Variants in GLMN observed in about 807,000 individuals in gnomAD.
The protein encoded by GLMN is glomulin.
In GLMN, 75 loss-of-function variants were observed where a neutral mutation model predicts 87.8. The ratio of observed to expected loss-of-function variants is 0.85; its 90% CI spans 0.71 to 1.04. GLMN has a LOEUF of 1.04. Ranked by LOEUF, GLMN falls within the 50% of genes least tolerant of loss-of-function variation. GLMN has a pLI of 0.00. For missense variants in GLMN, 588 were observed against 658.8 expected (o/e 0.89, Z 1.18); for synonymous variants, 206 against 221.6 (o/e 0.93, Z 0.63).
the GLMN span, among the ~76,000 whole-genome samples, chr1:92,329,254 C>T: frequency 6.6e-6 from 1 of 152,108 alleles, no homozygotes; most frequent in South Asian, 2.1e-4. Context: ...CTACCAGGGC[C>T]AGTAGAGAAA....
chr1:92,253,920 G>A (rs1026266050), intron 16 of GLMN, among the ~76,000 whole-genome samples: 4 of 152,178 alleles, frequency 2.6e-5, no homozygotes, highest in African/African-American at 9.7e-5. Flanking sequence ...GAATGAGTTT[G>A]ATGAACTGAC....
chr1:92,345,759 A>G, the GLMN span: 2 of 829,506 alleles, frequency 2.4e-6, no homozygotes. Flanking sequence ...TCTTTGGCAC[A>G]TTATTATAAA....
the GLMN span, among the ~76,000 whole-genome samples, chr1:92,313,716 G>A: frequency 2.0e-5 from 3 of 152,124 alleles, no homozygotes; most frequent in Non-Finnish European, 2.9e-5. Context: ...CTCCTCTATA[G>A]CTATGAAATC....
intron 16 of GLMN, among the ~76,000 whole-genome samples, chr1:92,260,555 CAGTG>C (rs1342576922): frequency 6.6e-6 from 1 of 151,778 alleles, no homozygotes; most frequent in Non-Finnish European, 1.5e-5. Flanking sequence ...GTGGACGATG[CAGTG>C]AGCAGAGATC....
the GLMN span, chr1:92,345,738 A>T: frequency 3.0e-6 from 2 of 665,056 alleles, no homozygotes; most frequent in East Asian, 5.5e-5. Context: ...AGTATTTTAA[A>T]AAAAAGTGCT....
chr1:92,271,436 A>G (rs1188149510), intron 8 of GLMN, 29 bp downstream of exon 8: 1 of 1,536,206 alleles, frequency 6.5e-7, no homozygotes, highest in Admixed American at 1.7e-5. Context: ...CTTTTAGAAT[A>G]CATGAATAAA....
chr1:92,317,745 C>T, the GLMN span, among the ~76,000 whole-genome samples: 1 of 152,154 alleles, frequency 6.6e-6, no homozygotes, highest in Admixed American at 6.5e-5. Flanking sequence ...GTGATGCCTA[C>T]CTTATGCTTT....
chr1:92,332,033 GT>G, the GLMN span, among the ~76,000 whole-genome samples: 3 of 150,204 alleles, frequency 2.0e-5, no homozygotes, highest in South Asian at 2.1e-4. Context: ...TTCTTTTAAG[GT>G]TTTTTTTTGT....
At chr1:92,348,849 A>G in the GLMN span, among the ~76,000 whole-genome samples, 399 of 152,346 alleles carry the variant, frequency 2.6e-3, 3 homozygotes, top group South Asian at 9.3e-3. Flanking sequence ...AGTTTTCACA[A>G]TTACATTTTA....
upstream of GLMN, among the ~76,000 whole-genome samples, chr1:92,300,899 TAATA>T (rs1028369750): frequency 1.2e-4 from 18 of 152,140 alleles, no homozygotes; most frequent in African/African-American, 4.1e-4. Context: ...GAATAAATAA[TAATA>T]AATTAATTAG....
the GLMN span, among the ~76,000 whole-genome samples, chr1:92,327,635 A>G: frequency 5.9e-5 from 9 of 151,858 alleles, no homozygotes; most frequent in Non-Finnish European, 1.3e-4. Flanking sequence ...TAAGTGGAGC[A>G]TTTAGGCCAT....
At chr1:92,300,271 A>T, upstream of GLMN, 1 of 1,534,946 alleles carries the variant, frequency 6.5e-7, no homozygotes, top group Non-Finnish European at 9.0e-7. Context: ...CTACATTGGC[A>T]TATCTACTTA....
At chr1:92,308,116 G>A in the GLMN span, among the ~76,000 whole-genome samples, 14 of 151,758 alleles carry the variant, frequency 9.2e-5, no homozygotes, top group East Asian at 1.9e-4. Flanking sequence ...TTTCTGATGC[G>A]TAAGGCGATG....
intron 16 of GLMN, among the ~76,000 whole-genome samples, chr1:92,254,250 C>A (rs1327663837): frequency 1.3e-5 from 2 of 152,068 alleles, no homozygotes; most frequent in African/African-American, 4.8e-5. Flanking sequence ...ACAAAGCTTC[C>A]AAGAAATATG....
chr1:92,285,184 A>C (rs958220844), intron 7 of GLMN, among the ~76,000 whole-genome samples: 2 of 152,142 alleles, frequency 1.3e-5, no homozygotes, highest in African/African-American at 4.8e-5. Flanking sequence ...TTGCAGCACT[A>C]CTCACAATAG....
At chr1:92,310,962 T>C in the GLMN span, among the ~76,000 whole-genome samples, 2 of 152,326 alleles carry the variant, frequency 1.3e-5, no homozygotes, top group African/African-American at 2.4e-5. Context: ...TCGACCACTA[T>C]AATAAGTGCA....
At chr1:92,314,749 T>C in the GLMN span, among the ~76,000 whole-genome samples, 7 of 129,884 alleles carry the variant, frequency 5.4e-5, no homozygotes, top group East Asian at 9.1e-4. Flanking sequence ...TCTCAATAAA[T>C]TAAAAAAAAA....
chr1:92,312,688 A>T, the GLMN span, among the ~76,000 whole-genome samples: 1 of 152,158 alleles, frequency 6.6e-6, no homozygotes, highest in African/African-American at 2.4e-5. Flanking sequence ...CACCATATCC[A>T]TAGTGACTAC....
chr1:92,267,783 T>C lies in GLMN; in HGVS notation c.1098+130A>G, dbSNP rs1234284760. On this transcript the variant is annotated intron_variant, in intron 11 of 18. Transcript: ENST00000370360. ...GGCTTTCATATTGTCAAAGTTCTAC[T>C]GGACAGCATTACACCAGAGTTTTCA... 1.0e-5 allele frequency: 7 copies of C among 676,708 alleles called. No individual in the cohort carries two copies. The Admixed American group carries it at 1.4e-4, about 14-fold the overall frequency. 41.9% of individuals were successfully genotyped at this position (676,708 alleles called of 1,614,324 possible).
Sources: allele counts gnomAD v4.1 joint callset (sites outside exome capture counted in the v4.1 genomes callset), GRCh38; gene constraint gnomAD v4.1.1; transcripts MANE v1.5; gene names NCBI Gene and HGNC (gene_info 2026-07-23, HGNC 2026-07-21).